The following CRACR2A variants were observed in gnomAD, a reference collection of about 807,000 sequenced individuals.
The protein encoded by CRACR2A is EF-hand calcium-binding domain-containing protein 4B.
Under a neutral mutation model 90.5 loss-of-function variants are expected in CRACR2A, and 79 were observed. That is an observed-to-expected ratio of 0.87 (90% CI 0.73 to 1.05). CRACR2A has a LOEUF of 1.05. Ranked by LOEUF, CRACR2A falls within the 50% of genes least tolerant of loss-of-function variation. The pLI is 0.00. For synonymous variants in CRACR2A, 338 were observed against 356.7 expected (o/e 0.95, Z 0.59); for missense variants, 823 against 897.2 (o/e 0.92, Z 1.06).
intron 3 of CRACR2A, among the ~76,000 whole-genome samples, chr12:3,705,066 C>G (rs1170574742): frequency 6.6e-6 from 1 of 152,198 alleles, no homozygotes; most frequent in Non-Finnish European, 1.5e-5. Context: ...CTAGACATAG[C>G]TTTTTGTCTC....
intron 2 of CRACR2A, among the ~76,000 whole-genome samples, chr12:3,725,293 CA>C (rs75985494): frequency 0.26 from 39,088 of 151,972 alleles, 5,125 homozygotes; most frequent in Admixed American, 0.33. Flanking sequence ...AGTCCTAAAT[CA>C]AGGTGACTGC....
chr12:3,722,059 G>A (rs1003122547), intron 2 of CRACR2A, among the ~76,000 whole-genome samples: 1 of 152,136 alleles, frequency 6.6e-6, no homozygotes, highest in Admixed American at 6.5e-5. Context: ...CCATCACACT[G>A]GATTAGACTT....
In CRACR2A at chr12:3,633,492, A is replaced by C; in HGVS notation, c.1735+112T>G. On this transcript the variant is annotated intron_variant, in intron 15 of 19. Transcript: ENST00000440314. This position sits in a 1 kb window ranked among gnomAD's most constrained non-coding sequence, Gnocchi z 4.5. ...GCAGACACCAGTATCCCTACTGGCC[A>C]ATCCCCATGGCCCTTCCCATGGGCT... 2.1e-6 allele frequency: 3 copies of C among 1,428,458 alleles called. No homozygotes were observed. Among genetic ancestry groups the C allele is most frequent in the East Asian group, 2.5e-5 (1 of 40,130 alleles). 88.5% of individuals were successfully genotyped at this position (1,428,458 alleles called of 1,614,324 possible). A position where few individuals can be genotyped will look rare whatever the true frequency, so the allele number is the denominator to read the frequency against.
intron 6 of CRACR2A, among the ~76,000 whole-genome samples, chr12:3,674,238 AG>A (rs1374076755): frequency 6.6e-6 from 1 of 152,234 alleles, no homozygotes; most frequent in Non-Finnish European, 1.5e-5. Context: ...TAGTGGCACT[AG>A]GGATGACTGA....
At position 3,709,218 on chromosome 12, in the gene CRACR2A, A is replaced by G. The variant is rs151042727; in HGVS notation, c.-37+4019T>C. ...CCAAAAATAAAACTACTCTCCAGTA[A>G]TTTTCTACACCATACAATTCTGACT... On this transcript the variant is annotated intron_variant, in intron 3 of 19. Transcript: ENST00000440314. Among the ~76,000 whole-genome samples, 13 of 152,344 alleles carry G rather than the reference A, an allele frequency of 8.5e-5. No individual in the cohort carries two copies. In the East Asian group the frequency reaches 2.3e-3, roughly 27 times the overall value.
intron 7 of CRACR2A, among the ~76,000 whole-genome samples, chr12:3,664,836 C>T (rs966603853): frequency 6.6e-6 from 1 of 152,144 alleles, no homozygotes; most frequent in Non-Finnish European, 1.5e-5. Context: ...GCGAAATCCC[C>T]TCTCTGCTAA....
chr12:3,626,312 T>C (rs1337697264), intron 17 of CRACR2A, among the ~76,000 whole-genome samples: 1 of 152,258 alleles, frequency 6.6e-6, no homozygotes, highest in Non-Finnish European at 1.5e-5. Context: ...TCTGCCTTCA[T>C]AGCAATGTGG....
At chr12:3,668,311 C>T (rs375536844) in intron 7 of CRACR2A, among the ~76,000 whole-genome samples, 11 of 152,284 alleles carry the variant, frequency 7.2e-5, no homozygotes, top group Admixed American at 5.2e-4. Context: ...CTGGCTAAAG[C>T]AGCATTTCTC....
At chr12:3,658,334 C>T (rs1429348594) in intron 8 of CRACR2A, among the ~76,000 whole-genome samples, 1 of 152,056 alleles carries the variant, frequency 6.6e-6, no homozygotes, top group East Asian at 1.9e-4. Context: ...GGAGCTCAGC[C>T]TCTCTGTGCA....
intron 1 of CRACR2A, among the ~76,000 whole-genome samples, chr12:3,735,378 C>T (rs948500543): frequency 7.2e-5 from 11 of 152,164 alleles, no homozygotes; most frequent in African/African-American, 2.7e-4. Context: ...TAGCAAAATG[C>T]TCCTCAGAAA....
chr12:3,726,167 A>AAT (rs1946259630), intron 2 of CRACR2A: 1 of 151,950 alleles, frequency 6.6e-6, no homozygotes, highest in South Asian at 2.1e-4. Flanking sequence ...AAATGTGATT[A>AAT]ATATATATAA....
chr12:3,747,027 G>C (rs1244830232), intron 1 of CRACR2A, among the ~76,000 whole-genome samples: 1 of 152,240 alleles, frequency 6.6e-6, no homozygotes, highest in Non-Finnish European at 1.5e-5. Context: ...GAAGAGAAGA[G>C]AAACTCAGGT....
rs149484553 is a variant in CRACR2A at position 3,619,357 on chromosome 12, G to A, written c.1948C>T (p.Arg650Trp). 2.3e-4 allele frequency: 364 copies of A among 1,551,612 alleles called. 2 individuals are homozygous for A. In the East Asian group the frequency reaches 8.6e-3, roughly 36 times the overall value. ...LSSVEEAVGD[R>W]VPVLLLGNKL... is the part of the protein sequence containing the mutation. ...TTACCCAGCAGAAGAACAGGCACCC[G>A]GTCTCCCACAGCTTCCTGCAGAACA... Residue 650 changes from arginine (R) to tryptophan (W), a missense_variant, in exon 18 of 20, where the codon CGG (arginine) becomes TGG (tryptophan). Arg to Trp is a moderately radical substitution (Grantham distance 101). Transcript: ENST00000440314.
At chr12:3,679,142 T>G in intron 5 of CRACR2A, 44 bp from the exon 6 acceptor site, 1 of 1,518,514 alleles carries the variant, frequency 6.6e-7, no homozygotes, top group Non-Finnish European at 8.8e-7. Context: ...ACCATACCCA[T>G]CCAGGAAGAG....
chr12:3,705,066 C>T (rs1170574742), intron 3 of CRACR2A, among the ~76,000 whole-genome samples: 4 of 152,198 alleles, frequency 2.6e-5, no homozygotes, highest in Non-Finnish European at 5.9e-5. Context: ...CTAGACATAG[C>T]TTTTTGTCTC....
rs908387818 is a variant in CRACR2A, at chr12:3,690,061, T to C, written c.228+6711A>G. Among the ~76,000 whole-genome samples, 8 of 152,210 alleles carry C rather than the reference T, an allele frequency of 5.3e-5. No homozygotes were observed. In the East Asian group the frequency reaches 1.5e-3, roughly 29 times the overall value. On this transcript the variant is annotated intron_variant, in intron 4 of 19. Coordinates refer to ENST00000440314, the MANE Select transcript of CRACR2A (RefSeq NM_001144958.2). ...CTCTTTTCTTCTTTATTAGTTTTTC[T>C]AATGATCTATCTATTTTATTAACTT...
intron 6 of CRACR2A, among the ~76,000 whole-genome samples, chr12:3,677,304 G>T (rs532346214): frequency 6.6e-6 from 1 of 152,296 alleles, no homozygotes; most frequent in Admixed American, 6.5e-5. Flanking sequence ...CCCTCATGCT[G>T]CAATCTAAGC....
intron 2 of CRACR2A, among the ~76,000 whole-genome samples, chr12:3,719,812 A>AC (rs1439532326): frequency 6.6e-6 from 1 of 152,104 alleles, no homozygotes; most frequent in Non-Finnish European, 1.5e-5. Flanking sequence ...TGAATTTCCT[A>AC]CATTTTTTAT....
rs12426518 is a variant in CRACR2A, at chr12:3,659,516, G to C, written c.762+48C>G. On this transcript the variant is annotated intron_variant, in intron 8 of 19. Transcript: ENST00000440314. ...TCTTAAACCTGGGGGAGACAGAGCA[G>C]ATATGTCAAGCTGGCCTCAGAGCCA... The C allele has an allele frequency of 3.1e-3, 4,774 of 1,546,680 alleles. 156 individuals carry two copies. In the Admixed American group the frequency reaches 0.061, roughly 20 times the overall value.
Sources: gnomAD v4.1 joint callset for allele counts (sites outside exome capture counted in the v4.1 genomes callset) on GRCh38, gnomAD v4.1.1 for gene constraint, Gnocchi (gnomAD v3.1) non-coding constraint, MANE v1.5 for transcripts, NCBI Gene and HGNC (gene_info 2026-07-23, HGNC 2026-07-21) for gene names.